EPHA6: variants seen among roughly 807,000 people sequenced by gnomAD.
EPHA6 encodes ephrin type-A receptor 6.
A neutral mutation model predicts 112.0 loss-of-function variants in EPHA6; 50 were observed. The observed-to-expected ratio is 0.45, with a 90% confidence interval of 0.36 to 0.56. The LOEUF is 0.56. Ranked by LOEUF, EPHA6 falls within the 20% of genes least tolerant of loss-of-function variation. The pLI is 0.00. For missense variants in EPHA6, 1,280 were observed against 1,417.4 expected (o/e 0.90, Z 1.56); for synonymous variants, 529 against 490.7 (o/e 1.08, Z -1.03).
At chr3:97,649,062 A>C (rs1454954343) in intron 14 of EPHA6, among the ~76,000 whole-genome samples, 3 of 152,110 alleles carry the variant, frequency 2.0e-5, no homozygotes, top group Non-Finnish European at 4.4e-5. Context: ...TAGGTAGAAA[A>C]TCATGAAACC....
chr3:96,950,246 A>G (rs1324561560), intron 2 of EPHA6, among the ~76,000 whole-genome samples: 1 of 152,078 alleles, frequency 6.6e-6, no homozygotes, highest in African/African-American at 2.4e-5. Context: ...TATACCTATT[A>G]GAGGTTCTCT....
In EPHA6 at chr3:96,829,576, G is replaced by A. The variant is rs148281033; in HGVS notation, c.385+14568G>A. Among the ~76,000 whole-genome samples, 246 of 152,130 alleles carry A rather than the reference G, an allele frequency of 1.6e-3. 1 individual carries two copies. The highest frequency in any genetic ancestry group is 5.5e-3 in the African/African-American group (227 of 41,524). On this transcript the variant is annotated intron_variant, in intron 1 of 17. Transcript: ENST00000389672. ...CATTTCCTTGCCCTCCTCTTCTTGG[G>A]AATTACTGATTATTTTAAAACATTT...
intron 3 of EPHA6, among the ~76,000 whole-genome samples, chr3:97,095,338 A>G (rs2047203626): frequency 6.6e-6 from 1 of 151,926 alleles, no homozygotes; most frequent in Non-Finnish European, 1.5e-5. Flanking sequence ...GCATTAGGAG[A>G]TATACCTAAT....
intron 3 of EPHA6, among the ~76,000 whole-genome samples, chr3:97,145,798 GT>G (rs1431537730): frequency 6.6e-6 from 1 of 151,590 alleles, no homozygotes. Flanking sequence ...TTTACAAAGT[GT>G]TTTGGGTGCA....
intron 5 of EPHA6, among the ~76,000 whole-genome samples, chr3:97,285,666 G>A (rs1028850144): frequency 4.6e-5 from 7 of 151,838 alleles, no homozygotes; most frequent in Non-Finnish European, 7.4e-5. Flanking sequence ...ATTGCAAATC[G>A]TGCTGCAGTG....
At chr3:97,177,971 G>T (rs1208544100) in intron 3 of EPHA6, among the ~76,000 whole-genome samples, 1 of 151,826 alleles carries the variant, frequency 6.6e-6, no homozygotes, top group Non-Finnish European at 1.5e-5. Flanking sequence ...GATAAGTAAG[G>T]ACTTACTCCT....
chr3:97,569,061 TGCATTCTATA>T (rs2093303584), intron 11 of EPHA6, among the ~76,000 whole-genome samples: 1 of 152,210 alleles, frequency 6.6e-6, no homozygotes, highest in Non-Finnish European at 1.5e-5. Flanking sequence ...TTGCTCAGAC[TGCATTCTATA>T]AGAATAGATA....
rs2107917908 is a variant in EPHA6, at chr3:97,004,781, A to G, written c.1114+16788A>G. Among the ~76,000 whole-genome samples the G allele has an allele frequency of 1.3e-5, 2 of 152,276 alleles. 1 individual carries two copies. Among genetic ancestry groups the G allele is most frequent in the Middle Eastern group, 6.8e-3 (2 of 294 alleles). ...GGGTTTTTATGGTTTTTGGTTTTAC[A>G]TTTAAGTATTTAATCTATCTTGAGT... On this transcript the variant is annotated intron_variant, in intron 3 of 17. Transcript: ENST00000389672.
chr3:96,999,038 A>G (rs2043530513), intron 3 of EPHA6, among the ~76,000 whole-genome samples: 2 of 151,480 alleles, frequency 1.3e-5, no homozygotes, highest in Admixed American at 1.3e-4. Context: ...TTCCTCTTTT[A>G]TGGTTATTTT....
chr3:97,094,085 A>G (rs2047161792), intron 3 of EPHA6, among the ~76,000 whole-genome samples: 2 of 152,126 alleles, frequency 1.3e-5, no homozygotes, highest in African/African-American at 4.8e-5. Context: ...GTCACAATAT[A>G]AGGAGTTCAC....
chr3:97,172,608 G>A (rs1296556541), intron 3 of EPHA6, among the ~76,000 whole-genome samples: 7 of 151,912 alleles, frequency 4.6e-5, no homozygotes, highest in Middle Eastern at 3.4e-3. Context: ...TTTTTGGGGG[G>A]GACTGAATTA....
intron 10 of EPHA6, among the ~76,000 whole-genome samples, chr3:97,525,608 C>T (rs1013934894): frequency 1.3e-5 from 2 of 152,142 alleles, no homozygotes; most frequent in Non-Finnish European, 2.9e-5. Flanking sequence ...GGAGCTAACT[C>T]CTCTTTCACT....
At chr3:97,165,162 G>C (rs1305577238) in intron 3 of EPHA6, among the ~76,000 whole-genome samples, 1 of 152,006 alleles carries the variant, frequency 6.6e-6, no homozygotes, top group Non-Finnish European at 1.5e-5. Context: ...GCATTCCTTT[G>C]CTTGTGCTGT....
intron 3 of EPHA6, among the ~76,000 whole-genome samples, chr3:97,187,725 G>GA (rs1553718577): frequency 2.0e-5 from 3 of 148,044 alleles, no homozygotes; most frequent in African/African-American, 7.6e-5. Context: ...AAGAAAGAAA[G>GA]AAAGAAAGAA....
chr3:97,361,241 A>G (rs2084355124), intron 5 of EPHA6, among the ~76,000 whole-genome samples: 1 of 152,186 alleles, frequency 6.6e-6, no homozygotes, highest in African/African-American at 2.4e-5. Flanking sequence ...GTGTTAATAA[A>G]TAGCTTTGTT....
intron 2 of EPHA6, among the ~76,000 whole-genome samples, chr3:96,882,172 C>T (rs780189736): frequency 3.9e-5 from 6 of 152,154 alleles, no homozygotes; most frequent in Non-Finnish European, 2.9e-5. Flanking sequence ...GCTCTGACCC[C>T]ACATTTCCCT....
At chr3:96,945,816 G>A (rs1265822856) in intron 2 of EPHA6, among the ~76,000 whole-genome samples, 2 of 152,032 alleles carry the variant, frequency 1.3e-5, no homozygotes, top group African/African-American at 4.8e-5. Flanking sequence ...TGTTACAGTC[G>A]ATGAGCCTAC....
intron 10 of EPHA6, among the ~76,000 whole-genome samples, chr3:97,484,626 G>A (rs1348028248): frequency 6.6e-6 from 1 of 152,204 alleles, no homozygotes; most frequent in Non-Finnish European, 1.5e-5. Context: ...AGTTAAGGCA[G>A]AGGCTAAGCC....
At chr3:97,640,878 T>C (rs994779159) in intron 14 of EPHA6, among the ~76,000 whole-genome samples, 4 of 152,134 alleles carry the variant, frequency 2.6e-5, no homozygotes, top group African/African-American at 7.2e-5. Flanking sequence ...TTAGGCATTA[T>C]TGCAATAAAC....
Sources: allele counts gnomAD v4.1 joint callset (sites outside exome capture counted in the v4.1 genomes callset), GRCh38; gene constraint gnomAD v4.1.1; transcripts MANE v1.5; gene names NCBI Gene and HGNC (gene_info 2026-07-23, HGNC 2026-07-21).